Variants in RALGAPA1 observed in about 807,000 individuals in gnomAD.
RALGAPA1 encodes Ral GTPase activating protein catalytic subunit alpha 1, also known as ral GTPase-activating protein subunit alpha-1.
In RALGAPA1, 52 loss-of-function variants were observed where a neutral mutation model predicts 269.6. The ratio of observed to expected loss-of-function variants is 0.19; its 90% confidence interval spans 0.15 to 0.24. RALGAPA1 has a LOEUF of 0.24. Ranked by LOEUF, RALGAPA1 falls within the 10% of genes least tolerant of loss-of-function variation. The pLI, the probability that RALGAPA1 is intolerant of heterozygous loss-of-function variation, is 1.00. For missense variants in RALGAPA1, 1,917 were observed against 3,013.9 expected (o/e 0.64, Z 8.52); for synonymous variants, 817 against 1,008.3 (o/e 0.81, Z 3.60).
intron 1 of RALGAPA1, among the ~76,000 whole-genome samples, chr14:35,799,373 C>A (rs2076810257): frequency 6.6e-6 from 1 of 151,968 alleles, no homozygotes. Flanking sequence ...ACCAGCCTGG[C>A]CAACATGGGG....
chr14:35,757,169 G>C (rs1399828550), intron 6 of RALGAPA1, among the ~76,000 whole-genome samples: 1 of 149,652 alleles, frequency 6.7e-6, no homozygotes, highest in Non-Finnish European at 1.5e-5. Context: ...CCTGGCTGGA[G>C]TGCAATGAAT....
chr14:35,636,013 C>G (rs1302217776), intron 31 of RALGAPA1, among the ~76,000 whole-genome samples: 1 of 152,158 alleles, frequency 6.6e-6, no homozygotes, highest in African/African-American at 2.4e-5. Flanking sequence ...AGTAAGACTA[C>G]CTTAAGTACT....
intron 27 of RALGAPA1, among the ~76,000 whole-genome samples, chr14:35,662,972 G>A (rs1417808503): frequency 6.6e-6 from 1 of 151,518 alleles, no homozygotes; most frequent in African/African-American, 2.4e-5. Flanking sequence ...GCTCTGTCAC[G>A]CAGGCTGGAG....
intron 26 of RALGAPA1, among the ~76,000 whole-genome samples, chr14:35,667,736 G>T (rs113774098): frequency 2.4e-4 from 37 of 152,306 alleles, no homozygotes; most frequent in African/African-American, 8.4e-4. Flanking sequence ...CTGCTATGGA[G>T]AACAGTAAGG....
At chr14:35,616,478 A>T (rs1450938328) in intron 35 of RALGAPA1, among the ~76,000 whole-genome samples, 1 of 152,214 alleles carries the variant, frequency 6.6e-6, no homozygotes, top group Non-Finnish European at 1.5e-5. Context: ...ATAGATTTTT[A>T]GAGCAGTGAA....
Position 35,671,598 on chromosome 14 carries a change from T to C in RALGAPA1, c.5074-81A>G, listed in dbSNP as rs2064447628. On this transcript the variant is annotated intron_variant, in intron 25 of 41. Coordinates refer to ENST00000680220, the MANE Select transcript of RALGAPA1 (RefSeq NM_001346249.2). ...GCTAATCAGTATCATTAAAAATAGA[T>C]AACATATGAAATAATAAAAAAGGTA... 3 of 680,546 alleles carry C rather than the reference T, an allele frequency of 4.4e-6. No individual in the cohort carries two copies. In the Admixed American group the frequency reaches 8.0e-5, roughly 18 times the overall value. 42.2% of individuals were successfully genotyped at this position (680,546 alleles called of 1,614,324 possible).
intron 41 of RALGAPA1, among the ~76,000 whole-genome samples, chr14:35,548,018 T>C (rs986039961): frequency 2.0e-5 from 3 of 152,120 alleles, no homozygotes; most frequent in African/African-American, 4.8e-5. Flanking sequence ...AGGTTTATTA[T>C]GATAAACTTC....
intron 39 of RALGAPA1, among the ~76,000 whole-genome samples, chr14:35,563,895 T>C (rs2056490820): frequency 6.6e-6 from 1 of 152,110 alleles, no homozygotes; most frequent in Admixed American, 6.5e-5. Context: ...CAGTGCAACC[T>C]CTGCCTCCCA....
intron 2 of RALGAPA1, 132 bp downstream of exon 2, chr14:35,775,503 G>A: frequency 9.4e-7 from 1 of 1,068,576 alleles, no homozygotes; most frequent in South Asian, 1.9e-5. Context: ...ACCTATGATA[G>A]TAGTGTGAGA....
At chr14:35,773,938 G>C (rs2074827231) in intron 3 of RALGAPA1, among the ~76,000 whole-genome samples, 1 of 151,606 alleles carries the variant, frequency 6.6e-6, no homozygotes, top group African/African-American at 2.4e-5. Flanking sequence ...TTATTTTTGA[G>C]ACAGGGTCTC....
In RALGAPA1 at chr14:35,643,411, G is replaced by T. The variant is rs553669693; in HGVS notation, c.5677-7813C>A. Among the ~76,000 whole-genome samples, 5 of 152,178 alleles carry T rather than the reference G, an allele frequency of 3.3e-5. No individual in the cohort carries two copies. In the East Asian group the frequency reaches 9.6e-4, roughly 29 times the overall value. On this transcript the variant is annotated intron_variant, in intron 31 of 41. Transcript: ENST00000680220. ...ATGCTGGCGAGGATGTGGAGAAAAGGGAACCCTCATACACTGTTGGTGGGA... is the reference window on the plus strand; with the variant it reads ...ATGCTGGCGAGGATGTGGAGAAAAGTGAACCCTCATACACTGTTGGTGGGA...
In RALGAPA1 at chr14:35,750,746, A is replaced by G. The variant is rs565570200; in HGVS notation, c.803-56T>C. On this transcript the variant is annotated intron_variant, in intron 8 of 41. Coordinates refer to ENST00000680220, the MANE Select transcript of RALGAPA1 (RefSeq NM_001346249.2). ...AAATAAGAAAGAAATTATGTTTAGA[A>G]AAAACCTACATTTTTAAATACTTGA... 3,377 of 1,381,098 alleles carry G rather than the reference A, an allele frequency of 2.4e-3. 5 individuals carry two copies. Among genetic ancestry groups the G allele is most frequent in the Non-Finnish European group, 3.2e-3 (3,174 of 1,003,026 alleles). 85.6% of individuals were successfully genotyped at this position (1,381,098 alleles called of 1,614,324 possible). A position where few individuals can be genotyped will look rare whatever the true frequency, so the allele number is the denominator to read the frequency against.
intron 36 of RALGAPA1, among the ~76,000 whole-genome samples, chr14:35,604,330 T>C (rs1401390403): frequency 6.6e-6 from 1 of 152,016 alleles, no homozygotes. Flanking sequence ...ACAGAGTATA[T>C]TCTGTGATCA....
intron 31 of RALGAPA1, among the ~76,000 whole-genome samples, chr14:35,651,302 C>G (rs1009065896): frequency 2.0e-5 from 3 of 152,164 alleles, no homozygotes; most frequent in Non-Finnish European, 4.4e-5. Context: ...CAAAAAGTAA[C>G]TCTAGAACTG....
chr14:35,675,705 T>A (rs1055354127), intron 22 of RALGAPA1, among the ~76,000 whole-genome samples: 3 of 151,358 alleles, frequency 2.0e-5, no homozygotes, highest in East Asian at 3.9e-4. Flanking sequence ...CCTCCAGCTT[T>A]AAAAAAAAAT....
At chr14:35,772,107 G>GT (rs1054939060) in intron 3 of RALGAPA1, among the ~76,000 whole-genome samples, 41 of 152,200 alleles carry the variant, frequency 2.7e-4, no homozygotes, top group African/African-American at 9.9e-4. Context: ...CCTGGCTGGA[G>GT]TGCAGTGGTG....
At chr14:35,542,061 AAAG>A in intron 41 of RALGAPA1, 4 of 1,145,076 alleles carry the variant, frequency 3.5e-6, no homozygotes, top group South Asian at 1.3e-5. Context: ...GGAAAAAAGA[AAAG>A]AAGAAAAAAG....
intron 21 of RALGAPA1, among the ~76,000 whole-genome samples, chr14:35,678,949 C>G (rs1481395382): frequency 1.2e-4 from 19 of 152,160 alleles, no homozygotes; most frequent in Non-Finnish European, 2.8e-4. Flanking sequence ...CCCTGCACCT[C>G]TCTATTATAC....
intron 41 of RALGAPA1, among the ~76,000 whole-genome samples, chr14:35,545,258 T>G (rs2139035393): frequency 6.6e-6 from 1 of 152,262 alleles, no homozygotes; most frequent in African/African-American, 2.4e-5. Flanking sequence ...AAGCAATGGC[T>G]AAATTTTGAT....
Sources: gnomAD v4.1 joint callset for allele counts (sites outside exome capture counted in the v4.1 genomes callset) on GRCh38, gnomAD v4.1.1 for gene constraint, MANE v1.5 for transcripts, NCBI Gene and HGNC (gene_info 2026-07-23, HGNC 2026-07-21) for gene names.